ZNF451: variants seen among roughly 807,000 people sequenced by gnomAD.
ZNF451 encodes E3 SUMO-protein ligase ZNF451.
Under a neutral mutation model 107.1 loss-of-function variants are expected in ZNF451, and 80 were observed. The ratio of observed to expected loss-of-function variants is 0.75; its 90% CI spans 0.62 to 0.90. The LOEUF is 0.90. Ranked by LOEUF, ZNF451 falls within the 40% of genes least tolerant of loss-of-function variation. The pLI, the probability that ZNF451 is intolerant of heterozygous loss-of-function variation, is 0.00. For missense variants in ZNF451, 1,107 were observed against 1,236.2 expected, an observed-to-expected ratio of 0.90 and a Z score of 1.57; for synonymous variants, 362 against 406.5, an observed-to-expected ratio of 0.89 and a Z score of 1.32.
At position 57,161,021 on chromosome 6, in the gene ZNF451, A is replaced by G. The variant is rs1763649060; in HGVS notation, c.3071-63A>G. ...AGCTTGGGTATGAGCAGTTATTGAA[A>G]ATAATATTGAGAATACATAAATTTA... On this transcript the variant is annotated intron_variant, in intron 13 of 14. Coordinates refer to ENST00000370706, the MANE Select transcript of ZNF451 (RefSeq NM_001031623.3). 2.8e-6 allele frequency: 3 copies of G among 1,068,338 alleles called. No individual in the cohort carries two copies. The Admixed American group carries it at 7.9e-5, about 28-fold the overall frequency. The allele number at this position is 1,068,338 out of a possible 1,614,324, so 66.2% of individuals were successfully genotyped here. A position where few individuals can be genotyped will look rare whatever the true frequency, so the allele number is the denominator to read the frequency against.
intron 7 of ZNF451, among the ~76,000 whole-genome samples, chr6:57,138,741 ATGTGTGTGTGTG>A (rs1185366526): frequency 1.9e-4 from 9 of 46,600 alleles, no homozygotes; most frequent in Non-Finnish European, 2.9e-4. Flanking sequence ...ATATATATAT[ATGTGTGTGTGTG>A]TGTGTGTGTG....
intron 13 of ZNF451, among the ~76,000 whole-genome samples, chr6:57,155,809 C>G (rs1763393900): frequency 1.4e-5 from 2 of 141,312 alleles, no homozygotes; most frequent in South Asian, 4.5e-4. Context: ...CTCTTATGTT[C>G]TAGGTATTCT....
chr6:57,105,184 C>G (rs905055340), intron 3 of ZNF451: 1 of 985,164 alleles, frequency 1.0e-6, no homozygotes, highest in Non-Finnish European at 1.2e-6. Context: ...CAACCTCTAA[C>G]GTTTAAATAC....
chr6:57,146,351 C>T (rs1593155199), intron 9 of ZNF451, among the ~76,000 whole-genome samples: 2 of 152,152 alleles, frequency 1.3e-5, no homozygotes, highest in Middle Eastern at 6.8e-3. Flanking sequence ...TTTGCCTAGG[C>T]CATTGTCCGG....
At chr6:57,163,745 C>T (rs1421938633) in intron 14 of ZNF451, among the ~76,000 whole-genome samples, 12 of 152,142 alleles carry the variant, frequency 7.9e-5, no homozygotes, top group Middle Eastern at 3.4e-3. Flanking sequence ...CCACCGCGCC[C>T]GGCCTAAATG....
At chr6:57,120,119 C>T (rs1485992964) in intron 3 of ZNF451, among the ~76,000 whole-genome samples, 2 of 152,170 alleles carry the variant, frequency 1.3e-5, no homozygotes, top group Non-Finnish European at 2.9e-5. Context: ...ACTGATCTTA[C>T]TACAGTTACC....
chr6:57,128,700 T>G, intron 4 of ZNF451, 29 bp from the exon 5 acceptor site: 2 of 1,510,486 alleles, frequency 1.3e-6, no homozygotes, highest in Non-Finnish European at 9.2e-7. Flanking sequence ...GGTAGTAATC[T>G]TAATTGAGTT....
intron 3 of ZNF451, chr6:57,106,659 G>C (rs1029126729): frequency 1.0e-6 from 1 of 979,860 alleles, no homozygotes; most frequent in Admixed American, 6.4e-5. Flanking sequence ...CCACAGTCTC[G>C]CACTGTTTAG....
chr6:57,103,114 C>T, intron 3 of ZNF451: 1 of 985,428 alleles, frequency 1.0e-6, no homozygotes, highest in Non-Finnish European at 1.2e-6. Flanking sequence ...AAGGATGTTA[C>T]ACGATCCAGG....
chr6:57,135,729 A>G (rs1475274228), intron 7 of ZNF451, among the ~76,000 whole-genome samples: 2 of 152,078 alleles, frequency 1.3e-5, no homozygotes, highest in Non-Finnish European at 2.9e-5. Flanking sequence ...TAAATTTCCC[A>G]TTGGATGTAT....
intron 2 of ZNF451, 111 bp from the exon 3 acceptor site, chr6:57,098,950 C>T (rs544399550): frequency 2.9e-6 from 2 of 679,806 alleles, no homozygotes; most frequent in East Asian, 2.7e-5. Flanking sequence ...ACAAAGCTCC[C>T]TCTTCAGAGT....
intron 9 of ZNF451, among the ~76,000 whole-genome samples, chr6:57,144,678 T>G (rs1729043389): frequency 6.6e-6 from 1 of 152,140 alleles, no homozygotes. Flanking sequence ...CCTGTAATCC[T>G]AACACTTTGG....
At chr6:57,106,643 A>G (rs972860961) in intron 3 of ZNF451, 19 of 967,786 alleles carry the variant, frequency 2.0e-5, no homozygotes, top group Non-Finnish European at 2.2e-5. Flanking sequence ...TGTGAGGCAT[A>G]TTTTGCCACA....
intron 14 of ZNF451, among the ~76,000 whole-genome samples, chr6:57,163,564 C>T (rs993911555): frequency 6.9e-6 from 1 of 145,780 alleles, no homozygotes; most frequent in African/African-American, 2.5e-5. Context: ...CATTCTCCTG[C>T]CTCAGCCTCC....
At position 57,161,147 on chromosome 6, in the gene ZNF451, C is replaced by G; in HGVS notation, c.3134C>G (p.Thr1045Arg). ...NTSIGEEFIS[T>R]EDVELEEAIR... The stretch of plus-strand genomic sequence containing the variant: ...TCAATAGGAGAAGAATTTATATCCA[C>G]AGAAGGTAACCTAATAGAGTTAATC... The change falls in exon 14 of 15, where the codon ACA becomes AGA. Residue 1045 changes from threonine to arginine, a missense_variant. By Grantham distance (71) the Thr-to-Arg change is moderately conservative (BLOSUM62 -1). Transcript: ENST00000370706. 6.6e-7 allele frequency: 1 copy of G among 1,516,004 alleles called. No homozygotes were observed. Among genetic ancestry groups the G allele is most frequent in the Non-Finnish European group, 8.8e-7 (1 of 1,132,122 alleles). The allele number at this position is 1,516,004 out of a possible 1,614,324, so 93.9% of individuals were successfully genotyped here.
chr6:57,142,203 A>G (rs1831803454), intron 9 of ZNF451, 108 bp downstream of exon 9: 2 of 1,339,316 alleles, frequency 1.5e-6, no homozygotes, highest in African/African-American at 1.5e-5. Context: ...AAATGAGAAT[A>G]TACAGTTGCC....
intron 3 of ZNF451, chr6:57,106,967 G>C: frequency 1.1e-6 from 1 of 926,578 alleles, no homozygotes; most frequent in African/African-American, 1.8e-5. Flanking sequence ...TTCCCTTCCT[G>C]GATGAACAGA....
intron 3 of ZNF451, chr6:57,106,010 T>C: frequency 2.0e-6 from 2 of 981,674 alleles, no homozygotes; most frequent in Non-Finnish European, 2.4e-6. Context: ...TTGGACAGTA[T>C]TTAGTATTCT....
chr6:57,152,037 C>T, intron 11 of ZNF451, 184 bp from the exon 12 acceptor site: 1 of 499,868 alleles, frequency 2.0e-6, no homozygotes. Context: ...GAAGTTGGTC[C>T]ACTTTCTCAA....
Sources: allele counts gnomAD v4.1 joint callset (sites outside exome capture counted in the v4.1 genomes callset), GRCh38; gene constraint gnomAD v4.1.1; transcripts MANE v1.5; gene names NCBI Gene and HGNC (gene_info 2026-07-23, HGNC 2026-07-21).